The following MRPS35 variants were observed in gnomAD, a reference collection of about 807,000 sequenced individuals.
MRPS35 encodes small ribosomal subunit protein mS35.
A neutral mutation model predicts 32.7 loss-of-function variants in MRPS35; 29 were observed. That is an observed-to-expected ratio of 0.89 (90% CI 0.66 to 1.21). The LOEUF is 1.21. Among genes scored for constraint, MRPS35 ranks in the 50% most tolerant of loss-of-function variants. MRPS35 has a pLI of 0.00. For missense variants in MRPS35, 373 were observed against 383.8 expected (o/e 0.97, Z 0.23); for synonymous variants, 148 against 139.3 (o/e 1.06, Z -0.44).
chr12:27,740,191 C>G (rs2061958471), intron 7 of MRPS35, among the ~76,000 whole-genome samples: 1 of 151,642 alleles, frequency 6.6e-6, no homozygotes. Flanking sequence ...TAGAGAGCCT[C>G]TTTTTAATCC....
At chr12:27,755,110 G>C (rs2062021045) in intron 7 of MRPS35, 71 bp from the exon 8 acceptor site, 1 of 1,431,956 alleles carries the variant, frequency 7.0e-7, no homozygotes, top group African/African-American at 1.4e-5. Flanking sequence ...AGAAAGAAAG[G>C]AAGAAACAAA....
In MRPS35 at chr12:27,755,870, A is replaced by G. The variant is rs1410877232; in HGVS notation, c.*420A>G. ...ACTTGCAGTTCCGGGCTGTGTTCAC[A>G]TGACTGCTGTCTAGCTGATGCATTT... On this transcript the variant is annotated 3_prime_UTR_variant, in exon 8 of 8. Transcript: ENST00000081029. The G allele has an allele frequency of 6.5e-6, 1 of 153,924 alleles. No homozygotes were observed. Among genetic ancestry groups the G allele is most frequent in the Non-Finnish European group, 1.4e-5 (1 of 69,404 alleles). The allele number at this position is 153,924 out of a possible 1,614,324, so 9.5% of individuals were successfully genotyped here.
At chr12:27,740,563 C>T (rs1445720866) in intron 7 of MRPS35, among the ~76,000 whole-genome samples, 2 of 152,154 alleles carry the variant, frequency 1.3e-5, no homozygotes, top group Non-Finnish European at 2.9e-5. Context: ...GCCACTGTGC[C>T]CTGCCTTCCC....
At chr12:27,754,873 A>G (rs929882845) in intron 7 of MRPS35, among the ~76,000 whole-genome samples, 4 of 152,172 alleles carry the variant, frequency 2.6e-5, no homozygotes, top group Non-Finnish European at 2.9e-5. Flanking sequence ...CTTTGTAAGT[A>G]CAGATTGTAA....
At chr12:27,737,111 A>G (rs550840734) in intron 6 of MRPS35, among the ~76,000 whole-genome samples, 1 of 152,206 alleles carries the variant, frequency 6.6e-6, no homozygotes, top group East Asian at 1.9e-4. Flanking sequence ...TCTAGCCTCA[A>G]GCAACCCTCC....
chr12:27,711,329 G>A (rs1383479525), intron 1 of MRPS35, among the ~76,000 whole-genome samples: 54 of 152,298 alleles, frequency 3.5e-4, no homozygotes, highest in Admixed American at 3.4e-3. Flanking sequence ...AGAGTCATAC[G>A]GCTGTGCTAG....
chr12:27,712,838 G>A (rs1314102591), intron 1 of MRPS35, among the ~76,000 whole-genome samples: 4 of 152,158 alleles, frequency 2.6e-5, no homozygotes, highest in Admixed American at 2.0e-4. Context: ...GCAACATGGC[G>A]GAACCTCGTC....
At chr12:27,751,122 A>AAAAG (rs2062001079) in intron 7 of MRPS35, among the ~76,000 whole-genome samples, 2 of 148,462 alleles carry the variant, frequency 1.3e-5, no homozygotes, top group African/African-American at 4.9e-5. Flanking sequence ...AAAAAAAAAA[A>AAAAG]AAAAGAAAAG....
At chr12:27,743,128 TG>T (rs2061970195) in intron 7 of MRPS35, among the ~76,000 whole-genome samples, 1 of 152,042 alleles carries the variant, frequency 6.6e-6, no homozygotes, top group Non-Finnish European at 1.5e-5. Context: ...CCCAAAGTGC[TG>T]GAATTACAAG....
chr12:27,739,891 C>A (rs534209678), intron 7 of MRPS35, among the ~76,000 whole-genome samples: 1 of 152,210 alleles, frequency 6.6e-6, no homozygotes, highest in Admixed American at 6.5e-5. Flanking sequence ...AACAGGGTTG[C>A]ATTCTGGATT....
chr12:27,745,535 C>T (rs940912407), intron 7 of MRPS35, among the ~76,000 whole-genome samples: 1 of 151,776 alleles, frequency 6.6e-6, no homozygotes, highest in Non-Finnish European at 1.5e-5. Flanking sequence ...AACCTGTTTT[C>T]AGCTGGGGGT....
chr12:27,723,668 CT>C (rs1566048737), intron 4 of MRPS35, among the ~76,000 whole-genome samples: 1 of 152,050 alleles, frequency 6.6e-6, no homozygotes, highest in Non-Finnish European at 1.5e-5. Context: ...CTATCTGTTA[CT>C]TTTTTGAAAA....
chr12:27,735,351 A>G, intron 5 of MRPS35, 96 bp from the exon 6 acceptor site: 2 of 863,536 alleles, frequency 2.3e-6, no homozygotes, highest in Non-Finnish European at 3.5e-6. Context: ...CTTTCTTTTT[A>G]GTGGATTTAA....
intron 6 of MRPS35, among the ~76,000 whole-genome samples, chr12:27,737,019 G>A (rs2061945362): frequency 6.6e-6 from 1 of 152,198 alleles, no homozygotes; most frequent in South Asian, 2.1e-4. Context: ...AGGACTACAG[G>A]TGCGCATCAC....
At position 27,755,556 on chromosome 12, in the gene MRPS35, C is replaced by T; in HGVS notation, c.*106C>T. The T allele has an allele frequency of 6.1e-6, 7 of 1,152,134 alleles. No homozygotes were observed. Among genetic ancestry groups the T allele is most frequent in the Non-Finnish European group, 8.2e-6 (7 of 850,200 alleles). The allele number at this position is 1,152,134 out of a possible 1,614,324, so 71.4% of individuals were successfully genotyped here. A position where few individuals can be genotyped will look rare whatever the true frequency, so the allele number is the denominator to read the frequency against. On this transcript the variant is annotated 3_prime_UTR_variant, in exon 8 of 8. Transcript: ENST00000081029. The stretch of plus-strand genomic sequence containing the variant: ...ATGTTAAAAAATCATTTTTTTTCCT[C>T]AGAGTTAAAATTATTTCCCTCATAC...
intron 7 of MRPS35, among the ~76,000 whole-genome samples, chr12:27,745,887 A>G (rs2061980602): frequency 6.6e-6 from 1 of 152,160 alleles, no homozygotes; most frequent in Non-Finnish European, 1.5e-5. Context: ...CCTACAAAGG[A>G]CATGAACTCA....
chr12:27,719,070 G>T (rs968612781), intron 3 of MRPS35, among the ~76,000 whole-genome samples: 1 of 152,140 alleles, frequency 6.6e-6, no homozygotes, highest in Admixed American at 6.5e-5. Context: ...CTGGGTGACA[G>T]AGCGAGACCC....
intron 7 of MRPS35, among the ~76,000 whole-genome samples, chr12:27,746,233 G>C (rs1036758907): frequency 2.0e-5 from 3 of 152,076 alleles, no homozygotes; most frequent in Admixed American, 1.3e-4. Context: ...TGATTAGGTT[G>C]GCTTGTCTTT....
At chr12:27,751,102 C>CAAAAAAAAAAAAAAAAAA (rs71438703) in intron 7 of MRPS35, among the ~76,000 whole-genome samples, 39 of 37,962 alleles carry the variant, frequency 1.0e-3, no homozygotes, top group Admixed American at 2.2e-3. Context: ...GACTCCATCT[C>CAAAAAAAAAAAAAAAAAA]AAAAAAAAAA....
Sources: gnomAD v4.1 joint callset for allele counts (sites outside exome capture counted in the v4.1 genomes callset) on GRCh38, gnomAD v4.1.1 for gene constraint, MANE v1.5 for transcripts, NCBI Gene and HGNC (gene_info 2026-07-23, HGNC 2026-07-21) for gene names.